Variants in ABR observed in about 807,000 individuals in gnomAD.
The protein encoded by ABR is active breakpoint cluster region-related protein.
A neutral mutation model predicts 107.2 loss-of-function variants in ABR; 35 were observed. The observed-to-expected ratio is 0.33, with a 90% CI of 0.25 to 0.43. The LOEUF is 0.43. ABR is among the 20% of genes least tolerant of loss of function. The pLI is 1.00. For missense variants in ABR, 815 were observed against 1,115.2 expected, an observed-to-expected ratio of 0.73 and a Z score of 3.83; for synonymous variants, 498 against 462.0, an observed-to-expected ratio of 1.08 and a Z score of -1.00.
chr17:1,047,462 CT>C (rs113800497), intron 16 of ABR, among the ~76,000 whole-genome samples: 182 of 152,324 alleles, frequency 1.2e-3, no homozygotes, highest in African/African-American at 4.2e-3. Flanking sequence ...CAGCCCGCCC[CT>C]GGGGCATGCC....
chr17:1,108,941 G>A (rs751290002), intron 2 of ABR: 1 of 1,592,844 alleles, frequency 6.3e-7, no homozygotes, highest in East Asian at 2.4e-5. Flanking sequence ...CACCTTCACA[G>A]CCACCAGGAA....
At position 1,156,710 on chromosome 17, in the gene ABR, G is replaced by A. The variant is rs187913705; in HGVS notation, c.61+22957C>T. Reference sequence around the variant, plus strand: ...AAAAGAAAAAAAAAAAGCTTTATGTGCATTATCTTATGTAATCCTCTTAAC... The same window carrying A: ...AAAAGAAAAAAAAAAAGCTTTATGTACATTATCTTATGTAATCCTCTTAAC... On this transcript the variant is annotated intron_variant, in intron 1 of 22. Transcript: ENST00000302538. Among the ~76,000 whole-genome samples the A allele has an allele frequency of 1.9e-3, 295 of 152,198 alleles. 1 individual carries two copies. The highest frequency in any genetic ancestry group is 3.1e-3 in the Non-Finnish European group (211 of 67,998).
chr17:1,024,783 C>CAAAA (rs57876178), intron 16 of ABR, among the ~76,000 whole-genome samples: 6 of 92,754 alleles, frequency 6.5e-5, no homozygotes, highest in African/African-American at 1.3e-4. Flanking sequence ...GAGACTCCCA[C>CAAAA]AAAAAAAAAA....
intron 6 of ABR, among the ~76,000 whole-genome samples, chr17:1,077,528 C>T (rs548162286): frequency 2.6e-4 from 40 of 152,286 alleles, no homozygotes; most frequent in African/African-American, 9.1e-4. Context: ...TTCCTGCAGC[C>T]GCCCTGCTGG....
At chr17:1,168,561 G>T (rs990563810) in intron 1 of ABR, among the ~76,000 whole-genome samples, 1 of 152,208 alleles carries the variant, frequency 6.6e-6, no homozygotes, top group African/African-American at 2.4e-5. Context: ...CCCCAGTCTG[G>T]ACTGAATGTG....
chr17:1,054,430 A>C (rs1387168198), intron 14 of ABR, among the ~76,000 whole-genome samples: 3 of 152,118 alleles, frequency 2.0e-5, no homozygotes, highest in Non-Finnish European at 4.4e-5. Flanking sequence ...AGGTGCCATA[A>C]CCAGCTTGCC....
At chr17:1,195,487 C>G (rs898709637) in intron 1 of ABR, among the ~76,000 whole-genome samples, 12 of 151,742 alleles carry the variant, frequency 7.9e-5, no homozygotes, top group Non-Finnish European at 1.3e-4. Flanking sequence ...GACCCAGGCT[C>G]AGCAAGTAGC....
intron 2 of ABR, among the ~76,000 whole-genome samples, 173 bp downstream of exon 2, chr17:1,125,010 G>A (rs771480868): frequency 1.6e-4 from 24 of 151,296 alleles, no homozygotes; most frequent in African/African-American, 3.4e-4. Context: ...AGGGAAGCCC[G>A]AGCCTGAGAG....
rs369864785 is a variant in ABR, at chr17:1,061,798, C to A, written c.1183-2931G>T. On this transcript the variant is annotated intron_variant, in intron 10 of 22. Transcript: ENST00000302538. ...CTGGCCTCAAGTGACCCACCCGTCTCAGCCTCCCAAAGTACTGGGATTACC... is the reference window on the plus strand; with the variant it reads ...CTGGCCTCAAGTGACCCACCCGTCTAAGCCTCCCAAAGTACTGGGATTACC... 9.7e-4 allele frequency among the ~76,000 whole-genome samples: 148 copies of A among 152,330 alleles called. 3 individuals are homozygous for A. In the South Asian group the frequency reaches 0.029, roughly 29 times the overall value.
rs565041438 is a variant in ABR, at chr17:1,067,459, G to A, written c.1017-217C>T. 3.3e-5 allele frequency among the ~76,000 whole-genome samples: 5 copies of A among 152,286 alleles called. No homozygotes were observed. In the East Asian group the frequency reaches 5.8e-4, roughly 18 times the overall value. On this transcript the variant is annotated intron_variant, in intron 9 of 22. Coordinates refer to ENST00000302538, the MANE Select transcript of ABR (RefSeq NM_021962.5). Reference sequence around the variant, plus strand: ...CGCCCCGCCCGCAGGGAGCAACTCCGCCCCTTCACCTTACCAGGCTTCTGG... The same window carrying A: ...CGCCCCGCCCGCAGGGAGCAACTCCACCCCTTCACCTTACCAGGCTTCTGG...
rs1319454276 is a variant in ABR, at chr17:1,005,060, A to G, written c.*1020T>C. 5.0e-6 allele frequency: 2 copies of G among 398,802 alleles called. No individual in the cohort carries two copies. The highest frequency in any genetic ancestry group is 8.8e-6 in the Non-Finnish European group (2 of 226,222). The allele number at this position is 398,802 out of a possible 1,614,324, so 24.7% of individuals were successfully genotyped here. A position where few individuals can be genotyped will look rare whatever the true frequency, so the allele number is the denominator to read the frequency against. ...CCCCACAACTTGCTCCTAAGAGCTG[A>G]GCTGCCTCCCCGCGACCCGGGACAC... On this transcript the variant is annotated 3_prime_UTR_variant, in exon 23 of 23. Coordinates refer to ENST00000302538, the MANE Select transcript of ABR (RefSeq NM_021962.5).
intron 6 of ABR, among the ~76,000 whole-genome samples, chr17:1,076,717 G>A (rs576872726): frequency 0.013 from 1,424 of 112,190 alleles, 40 homozygotes; most frequent in South Asian, 0.041. Context: ...AGGTGCACGG[G>A]GGGGGTGGGG....
At chr17:1,073,514 CCT>C (rs933758959) in intron 7 of ABR, 109 bp downstream of exon 7, 2 of 878,668 alleles carry the variant, frequency 2.3e-6, no homozygotes, top group South Asian at 3.9e-5. Context: ...CCTAGGAACC[CCT>C]GATTCCCCAG....
intron 5 of ABR, 120 bp from the exon 6 acceptor site, chr17:1,079,510 C>T (rs539990895): frequency 2.6e-4 from 241 of 920,106 alleles, no homozygotes; most frequent in Non-Finnish European, 3.9e-4. Context: ...GAACAGAGGC[C>T]GGGTGTGGCG....
intron 1 of ABR, among the ~76,000 whole-genome samples, chr17:1,212,402 G>C (rs1420763672): frequency 6.6e-6 from 1 of 151,984 alleles, no homozygotes; most frequent in Non-Finnish European, 1.5e-5. Flanking sequence ...CTGCTCTCCA[G>C]CCTGGGCAAT....
intron 16 of ABR, among the ~76,000 whole-genome samples, chr17:1,032,714 C>G (rs1365390928): frequency 6.6e-6 from 1 of 152,212 alleles, no homozygotes; most frequent in African/African-American, 2.4e-5. Context: ...AGTGAACTTT[C>G]TAACCGCAGA....
At chr17:1,081,753 C>T (rs534675411) in intron 5 of ABR, among the ~76,000 whole-genome samples, 4 of 151,834 alleles carry the variant, frequency 2.6e-5, no homozygotes, top group South Asian at 4.2e-4. Context: ...ATTTTTGTAT[C>T]TTTAGTAGAG....
At chr17:1,062,088 C>G (rs905357047) in intron 10 of ABR, among the ~76,000 whole-genome samples, 1 of 152,336 alleles carries the variant, frequency 6.6e-6, no homozygotes, top group East Asian at 1.9e-4. Context: ...GAGGCCTAAG[C>G]TGAACCTGAG....
intron 1 of ABR, among the ~76,000 whole-genome samples, chr17:1,203,619 C>T (rs1357452575): frequency 6.9e-6 from 1 of 144,388 alleles, no homozygotes. Flanking sequence ...TCACCGCCCG[C>T]CGCCGCTGCG....
Sources: gnomAD v4.1 joint callset for allele counts (sites outside exome capture counted in the v4.1 genomes callset) on GRCh38, gnomAD v4.1.1 for gene constraint, MANE v1.5 for transcripts, NCBI Gene and HGNC (gene_info 2026-07-23, HGNC 2026-07-21) for gene names.